Variants in FANCC observed in about 807,000 individuals in gnomAD.
The protein encoded by FANCC is Fanconi anemia group C protein.
A neutral mutation model predicts 71.3 loss-of-function variants in FANCC; 55 were observed. The observed-to-expected ratio is 0.77, with a 90% confidence interval of 0.62 to 0.97. The LOEUF (loss-of-function observed/expected upper bound fraction) is 0.97, where lower values mean the gene tolerates loss of function less well. Among genes scored for constraint, FANCC ranks in the 50% least tolerant of loss-of-function variants. FANCC has a pLI of 0.00. For missense variants in FANCC, 678 were observed against 670.9 expected, an observed-to-expected ratio of 1.01 and a Z score of -0.12; for synonymous variants, 275 against 244.9, an observed-to-expected ratio of 1.12 and a Z score of -1.15.
intron 4 of FANCC, among the ~76,000 whole-genome samples, chr9:95,184,987 T>G (rs1474414830): frequency 1.3e-5 from 2 of 152,210 alleles, no homozygotes; most frequent in African/African-American, 4.8e-5. Flanking sequence ...AGGAACAAAA[T>G]ATTCTTGTAA....
chr9:95,222,162 CA>C (rs60764731), intron 4 of FANCC, among the ~76,000 whole-genome samples: 31,690 of 70,924 alleles, frequency 0.45, 3,592 homozygotes, highest in Middle Eastern at 0.47. Context: ...GGCCCCATCT[CA>C]AAAAAAAAAA....
At chr9:95,292,906 T>C (rs1834139760) in intron 1 of FANCC, 4 of 1,583,400 alleles carry the variant, frequency 2.5e-6, no homozygotes, top group Non-Finnish European at 2.6e-6. Context: ...GGCAAGACCT[T>C]CCGGTGCACA....
chr9:95,255,493 T>C (rs1389156181), intron 1 of FANCC, among the ~76,000 whole-genome samples: 1 of 151,996 alleles, frequency 6.6e-6, no homozygotes, highest in Non-Finnish European at 1.5e-5. Flanking sequence ...CAGAAAGGAA[T>C]AGCATCAACA....
At chr9:95,277,365 T>A (rs1833104643) in intron 1 of FANCC, among the ~76,000 whole-genome samples, 1 of 152,184 alleles carries the variant, frequency 6.6e-6, no homozygotes, top group South Asian at 2.1e-4. Context: ...AAGTGAGGAT[T>A]TTGAAAGTTC....
chr9:95,181,425 A>G (rs547207134), intron 4 of FANCC, among the ~76,000 whole-genome samples: 27 of 152,120 alleles, frequency 1.8e-4, no homozygotes, highest in Non-Finnish European at 3.2e-4. Flanking sequence ...CATTGCTAAG[A>G]ATAATTTTTT....
chr9:95,281,310 A>G (rs1447428758), intron 1 of FANCC, among the ~76,000 whole-genome samples: 1 of 152,084 alleles, frequency 6.6e-6, no homozygotes. Flanking sequence ...GAAAAGAAGC[A>G]AATAATTTAT....
At chr9:95,294,428 T>C in intron 1 of FANCC, 1 of 1,604,430 alleles carries the variant, frequency 6.2e-7, no homozygotes, top group Non-Finnish European at 8.5e-7. Context: ...TTCTTAGGCC[T>C]TGAGATGTTT....
At chr9:95,144,405 C>T (rs1829224604) in intron 7 of FANCC, among the ~76,000 whole-genome samples, 1 of 152,188 alleles carries the variant, frequency 6.6e-6, no homozygotes, top group African/African-American at 2.4e-5. Context: ...GGAGAACATG[C>T]TATCACAAGC....
intron 1 of FANCC, chr9:95,294,910 G>C: frequency 2.7e-6 from 3 of 1,096,768 alleles, no homozygotes; most frequent in Non-Finnish European, 3.7e-6. Flanking sequence ...GAATGTGGCT[G>C]ATGATGCAGT....
chr9:95,208,678 A>T (rs1483680412), intron 4 of FANCC, among the ~76,000 whole-genome samples: 1 of 152,210 alleles, frequency 6.6e-6, no homozygotes, highest in Non-Finnish European at 1.5e-5. Flanking sequence ...ATGCAAATTA[A>T]AACAACGAGA....
intron 1 of FANCC, among the ~76,000 whole-genome samples, chr9:95,272,642 C>G (rs1048075371): frequency 6.6e-6 from 1 of 152,074 alleles, no homozygotes; most frequent in African/African-American, 2.4e-5. Context: ...TTGCAGTGAG[C>G]TGGGAGATCA....
In FANCC at chr9:95,292,610, C is replaced by G. The variant is rs1588427974; in HGVS notation, c.-79+24916G>C. The G allele has an allele frequency of 1.8e-5, 26 of 1,457,666 alleles. No homozygotes were observed. The East Asian group carries it at 5.7e-4, about 32-fold the overall frequency. The allele number at this position is 1,457,666 out of a possible 1,614,324, so 90.3% of individuals were successfully genotyped here. On this transcript the variant is annotated intron_variant, in intron 1 of 14. Transcript: ENST00000289081. Reference sequence around the variant, plus strand: ...TCCTGTGCACCGTGCGCGGCTGCCGCAAGATCCTGCCCAACAGCCCCGCGC... The same window carrying G: ...TCCTGTGCACCGTGCGCGGCTGCCGGAAGATCCTGCCCAACAGCCCCGCGC...
At position 95,135,401 on chromosome 9, in the gene FANCC, G is replaced by T; in HGVS notation, c.788C>A (p.Ser263Tyr). 1 of 1,614,004 alleles carries T rather than the reference G, an allele frequency of 6.2e-7. No individual in the cohort carries two copies. Among genetic ancestry groups the T allele is most frequent in the Non-Finnish European group, 8.5e-7 (1 of 1,179,964 alleles). ...AMLHLFEKLISSERNCLRRIE... is the reference protein window; with the variant it reads ...AMLHLFEKLIYSERNCLRRIE... Reference sequence around the variant, plus strand: ...CCTTCTCAGACAATTTCTCTCACTGGAGATTAGCTTTTCAAAAAGATGCAG... The same window carrying T: ...CCTTCTCAGACAATTTCTCTCACTGTAGATTAGCTTTTCAAAAAGATGCAG... Residue 263 changes from serine (S) to tyrosine (Y), a missense_variant, in exon 8 of 15, where the codon TCC becomes TAC. Physicochemically the swap from Ser to Tyr is moderately radical, Grantham distance 144. Transcript: ENST00000289081.
intron 1 of FANCC, among the ~76,000 whole-genome samples, chr9:95,291,669 T>C (rs547006479): frequency 5.9e-5 from 9 of 152,138 alleles, no homozygotes; most frequent in African/African-American, 1.7e-4. Flanking sequence ...GTATGGAGGC[T>C]GGGCACAGTG....
intron 1 of FANCC, among the ~76,000 whole-genome samples, chr9:95,304,184 T>C (rs1490436925): frequency 6.6e-6 from 1 of 152,216 alleles, no homozygotes; most frequent in Non-Finnish European, 1.5e-5. Context: ...CCACACATTC[T>C]GCTTTAGGAA....
chr9:95,126,640 G>T, intron 8 of FANCC, 59 bp from the exon 9 acceptor site: 3 of 1,550,096 alleles, frequency 1.9e-6, no homozygotes, highest in Non-Finnish European at 2.7e-6. Context: ...TCAGAAACTT[G>T]CTATTATCAG....
At chr9:95,118,145 A>G (rs2072577525) in intron 10 of FANCC, among the ~76,000 whole-genome samples, 1 of 152,096 alleles carries the variant, frequency 6.6e-6, no homozygotes, top group South Asian at 2.1e-4. Context: ...CAGCCTCCTG[A>G]GTAGCCGGGA....
chr9:95,134,857 A>G (rs1479197512), intron 8 of FANCC, among the ~76,000 whole-genome samples: 1 of 152,236 alleles, frequency 6.6e-6, no homozygotes. Context: ...GGGGAGGGTG[A>G]AGGCAGGTGG....
intron 4 of FANCC, among the ~76,000 whole-genome samples, chr9:95,238,819 C>A (rs1343962060): frequency 6.6e-6 from 1 of 152,156 alleles, no homozygotes; most frequent in Non-Finnish European, 1.5e-5. Flanking sequence ...CCCACCCTGG[C>A]CTCCCAAAGT....
Sources: allele counts gnomAD v4.1 joint callset (sites outside exome capture counted in the v4.1 genomes callset), GRCh38; gene constraint gnomAD v4.1.1; transcripts MANE v1.5; gene names NCBI Gene and HGNC (gene_info 2026-07-23, HGNC 2026-07-21).